ARHGAP24: variants seen among roughly 807,000 people sequenced by gnomAD.
ARHGAP24 encodes Rho GTPase activating protein 24, also known as rho GTPase-activating protein 24.
In ARHGAP24, 50 loss-of-function variants were observed where a neutral mutation model predicts 76.4. The observed-to-expected ratio is 0.65, with a 90% CI of 0.52 to 0.83. ARHGAP24 has a LOEUF of 0.83. Ranked by LOEUF, ARHGAP24 falls within the 40% of genes least tolerant of loss-of-function variation. The pLI, the probability that ARHGAP24 is intolerant of heterozygous loss-of-function variation, is 0.00. For missense variants in ARHGAP24, 930 were observed against 914.2 expected, an observed-to-expected ratio of 1.02 and a Z score of -0.22; for synonymous variants, 345 against 323.3, an observed-to-expected ratio of 1.07 and a Z score of -0.72.
intron 2 of ARHGAP24, among the ~76,000 whole-genome samples, chr4:85,688,783 C>A (rs1304515282): frequency 6.6e-6 from 1 of 152,020 alleles, no homozygotes; most frequent in Non-Finnish European, 1.5e-5. Context: ...CAGTTTCAGT[C>A]TTCTACATAT....
intron 1 of ARHGAP24, among the ~76,000 whole-genome samples, chr4:85,485,633 A>T (rs1259923233): frequency 6.6e-6 from 1 of 151,618 alleles, no homozygotes; most frequent in African/African-American, 2.4e-5. Context: ...TCTAGACTTC[A>T]GTCTCCTTAC....
At chr4:85,490,332 A>C (rs1159023431) in intron 1 of ARHGAP24, among the ~76,000 whole-genome samples, 1 of 152,186 alleles carries the variant, frequency 6.6e-6, no homozygotes, top group East Asian at 1.9e-4. Flanking sequence ...GAACAATTTA[A>C]GACTGTGTTT....
At chr4:85,878,531 A>C (rs1733065301) in intron 3 of ARHGAP24, among the ~76,000 whole-genome samples, 1 of 152,214 alleles carries the variant, frequency 6.6e-6, no homozygotes, top group Non-Finnish European at 1.5e-5. Context: ...ATAATTTAGC[A>C]TTAATTAATA....
chr4:85,663,112 G>C (rs1262680002), intron 2 of ARHGAP24, among the ~76,000 whole-genome samples: 1 of 151,594 alleles, frequency 6.6e-6, no homozygotes, highest in African/African-American at 2.4e-5. Flanking sequence ...CTCGGGCAGT[G>C]TGGCCATTTT....
intron 1 of ARHGAP24, among the ~76,000 whole-genome samples, chr4:85,517,303 C>A (rs928351934): frequency 5.3e-5 from 8 of 151,832 alleles, no homozygotes; most frequent in African/African-American, 1.9e-4. Context: ...AACAAATAGC[C>A]CCCCTCTCAT....
chr4:85,532,456 C>G (rs1725296981), intron 1 of ARHGAP24, among the ~76,000 whole-genome samples: 1 of 152,068 alleles, frequency 6.6e-6, no homozygotes, highest in Non-Finnish European at 1.5e-5. Flanking sequence ...ACAATTATGT[C>G]TCTTTCTATA....
intron 2 of ARHGAP24, among the ~76,000 whole-genome samples, chr4:85,613,811 A>G (rs563378723): frequency 6.6e-6 from 1 of 152,292 alleles, no homozygotes; most frequent in South Asian, 2.1e-4. Context: ...TCATTTTTCT[A>G]GCCTCCTAGA....
intron 4 of ARHGAP24, among the ~76,000 whole-genome samples, chr4:85,938,754 A>G (rs1736791870): frequency 6.6e-6 from 1 of 152,170 alleles, no homozygotes; most frequent in African/African-American, 2.4e-5. Flanking sequence ...GCTGTATTAA[A>G]GGCATCAGCT....
chr4:85,814,750 A>T (rs918498174), intron 3 of ARHGAP24, among the ~76,000 whole-genome samples: 21 of 152,060 alleles, frequency 1.4e-4, no homozygotes, highest in Non-Finnish European at 7.4e-5. Flanking sequence ...TAGGGTCTGG[A>T]AGACAGATTC....
chr4:85,771,596 T>C (rs905144479), intron 3 of ARHGAP24, among the ~76,000 whole-genome samples: 4 of 152,242 alleles, frequency 2.6e-5, no homozygotes, highest in African/African-American at 4.8e-5. Flanking sequence ...CTAGACCCAG[T>C]CAAGTTTACA....
At chr4:85,690,306 G>T (rs1723584933) in intron 2 of ARHGAP24, among the ~76,000 whole-genome samples, 1 of 152,040 alleles carries the variant, frequency 6.6e-6, no homozygotes, top group Non-Finnish European at 1.5e-5. Flanking sequence ...TTTTGGTATT[G>T]GGCTGATTCC....
Position 85,609,823 on chromosome 4 carries a change from T to A in ARHGAP24, c.180+39102T>A, listed in dbSNP as rs112124876. Among the ~76,000 whole-genome samples the A allele has an allele frequency of 7.0e-3, 1,064 of 152,362 alleles. 14 individuals are homozygous for A. The highest frequency in any genetic ancestry group is 0.024 in the African/African-American group (1,014 of 41,592). On this transcript the variant is annotated intron_variant, in intron 2 of 9. Coordinates refer to ENST00000395184, the MANE Select transcript of ARHGAP24 (RefSeq NM_001025616.3). ...TCCATCATGTCAAGCATTTATCATTTCTTTGTTGTAAAAATATTCAAAATT... is the reference window on the plus strand; with the variant it reads ...TCCATCATGTCAAGCATTTATCATTACTTTGTTGTAAAAATATTCAAAATT...
chr4:85,880,219 A>G (rs1192573946), intron 3 of ARHGAP24, among the ~76,000 whole-genome samples: 3 of 152,234 alleles, frequency 2.0e-5, no homozygotes, highest in Non-Finnish European at 2.9e-5. Context: ...CTCTTTTAAA[A>G]TATCTTATTG....
At chr4:85,890,431 T>A (rs4326006) in intron 3 of ARHGAP24, among the ~76,000 whole-genome samples, 113,235 of 152,014 alleles carry the variant, frequency 0.74, 43,092 homozygotes, top group Middle Eastern at 0.83. Context: ...GGAGAGATAG[T>A]TAAGCAAAGA....
intron 4 of ARHGAP24, among the ~76,000 whole-genome samples, chr4:85,924,397 G>A (rs933545931): frequency 6.6e-6 from 1 of 151,868 alleles, no homozygotes; most frequent in Admixed American, 6.6e-5. Flanking sequence ...CCAAGAAACA[G>A]AAAATAGAAT....
intron 2 of ARHGAP24, among the ~76,000 whole-genome samples, chr4:85,594,913 T>G (rs532491272): frequency 1.1e-4 from 17 of 152,120 alleles, no homozygotes; most frequent in African/African-American, 3.9e-4. Flanking sequence ...AGTAATGTAG[T>G]CTATTTAGAA....
At chr4:85,874,918 AT>A (rs1198185274) in intron 3 of ARHGAP24, among the ~76,000 whole-genome samples, 891 of 87,322 alleles carry the variant, frequency 0.01, 91 homozygotes, top group African/African-American at 0.042. Context: ...ATATAAATAT[AT>A]TTATATATAA....
chr4:85,894,794 C>A (rs1488126303), intron 3 of ARHGAP24, among the ~76,000 whole-genome samples: 1 of 151,660 alleles, frequency 6.6e-6, no homozygotes, highest in African/African-American at 2.4e-5. Context: ...AAGCCTGTCT[C>A]TGTTAAAAAT....
intron 3 of ARHGAP24, among the ~76,000 whole-genome samples, chr4:85,769,455 T>C (rs1383891080): frequency 6.6e-6 from 1 of 152,214 alleles, no homozygotes; most frequent in African/African-American, 2.4e-5. Context: ...TCAACAAGTT[T>C]AGTAAATATG....
Sources: allele counts gnomAD v4.1 joint callset (sites outside exome capture counted in the v4.1 genomes callset), GRCh38; gene constraint gnomAD v4.1.1; transcripts MANE v1.5; gene names NCBI Gene and HGNC (gene_info 2026-07-23, HGNC 2026-07-21).